Variants in CTU2 observed in about 807,000 individuals in gnomAD.
CTU2 encodes the protein cytosolic thiouridylase subunit 2.
A neutral mutation model predicts 64.1 loss-of-function variants in CTU2; 80 were observed. The ratio of observed to expected loss-of-function variants is 1.25; its 90% CI spans 1.04 to 1.50. CTU2 has a LOEUF of 1.50. CTU2 is among the 40% of genes most tolerant of loss of function. The pLI is 0.00. For synonymous variants in CTU2, 482 were observed against 285.3 expected, an observed-to-expected ratio of 1.69 and a Z score of -6.95; for missense variants, 1,110 against 690.2, an observed-to-expected ratio of 1.61 and a Z score of -6.81.
At position 88,715,184 on chromosome 16, in the gene CTU2, C is replaced by G. The variant is rs373113759; in HGVS notation, c.1481C>G (p.Ala494Gly). The change falls in exon 15 of 15, where the codon GCC becomes GGC. Residue 494 changes from alanine to glycine, a missense_variant and splice_region_variant. Physicochemically the swap from Ala to Gly is moderately conservative, Grantham distance 60. Transcript: ENST00000453996. ...GCCCACTGCAGCTTTCTCTCTAGGG[C>G]CTGGGGCTTGCAGGAGATCCGGGAC... Reference protein sequence around the residue: ...LAEAQLRTQRAWGLQEIRDCL... With the variant: ...LAEAQLRTQRGWGLQEIRDCL... 1.2e-6 allele frequency: 2 copies of G among 1,612,252 alleles called. No homozygotes were observed. The highest frequency in any genetic ancestry group is 1.7e-6 in the Non-Finnish European group (2 of 1,179,754).
rs1911908319 is a variant in CTU2 at position 88,715,378 on chromosome 16, A to T, written c.*127A>T. ...GTATAAATAAAACATTTTTTAATTAAAAAAAAAACTCTACAGTACACGTGG... is the reference window on the plus strand; with the variant it reads ...GTATAAATAAAACATTTTTTAATTATAAAAAAAACTCTACAGTACACGTGG... On this transcript the variant is annotated 3_prime_UTR_variant, in exon 15 of 15. Coordinates refer to ENST00000453996, the MANE Select transcript of CTU2 (RefSeq NM_001012759.3). The T allele has an allele frequency of 6.9e-6, 8 of 1,155,690 alleles. No individual in the cohort carries two copies. Among genetic ancestry groups the T allele is most frequent in the African/African-American group, 3.1e-5 (2 of 64,146 alleles). 71.6% of individuals were successfully genotyped at this position (1,155,690 alleles called of 1,614,324 possible).
At position 88,714,166 on chromosome 16, in the gene CTU2, A is replaced by C. The variant is rs1479697824; in HGVS notation, c.1036A>C (p.Met346Leu). 6.2e-7 allele frequency: 1 copy of C among 1,612,578 alleles called. No homozygotes were observed. The highest frequency in any genetic ancestry group is 1.3e-5 in the African/African-American group (1 of 74,886). Reference sequence around the variant, plus strand: ...TGAAAAGGCCAGCATCCACCGGCTGATGGAGGCCTTCATCCTCAGGCTGCA... The same window carrying C: ...TGAAAAGGCCAGCATCCACCGGCTGCTGGAGGCCTTCATCCTCAGGCTGCA... ...APEKASIHRL[M>L]EAFILRLQTQ... Residue 346 changes from methionine (M) to leucine (L), a missense_variant, in exon 10 of 15, where the codon ATG becomes CTG. Transcript: ENST00000453996.
rs780574958 is a variant in CTU2, at chr16:88,714,229, TGTGGGTGTGTGTGGGTGTGTGCGGGGG to T, written c.1097+6_1097+32del. 1,802 of 96,858 alleles carry T rather than the reference TGTGGGTGTGTGTGGGTGTGTGCGGGGG, an allele frequency of 0.019. 16 individuals are homozygous for T. The highest frequency in any genetic ancestry group is 0.16 in the African/African-American group (1,627 of 10,078). The allele number at this position is 96,858 out of a possible 1,614,324, so 6.0% of individuals were successfully genotyped here. ...CTCCACTGTCAGCACTGTGTACAGGTGTGGGTGTGTGTGGGTGTGTGCGGGGGGTGCGCGGGTGTGTGCTGTGCGCGG... is the reference window on the plus strand; with the variant it reads ...CTCCACTGTCAGCACTGTGTACAGGTGTGCGCGGGTGTGTGCTGTGCGCGG... On this transcript the variant is annotated splice_donor_5th_base_variant and intron_variant, in intron 10 of 14. Transcript: ENST00000453996.
At position 88,714,648 on chromosome 16, in the gene CTU2, C is replaced by A; in HGVS notation, c.1263C>A (p.Ile421=). ...GTCTCTCCCAGATGCAGTCACCCAT[C>A]CCCCTGACTGAGACCCGGACACCCC... ...SSRLSQMQSP[I]PLTETRTPPG... The change falls in exon 12 of 15, where the codon ATC becomes ATA. Residue 421 remains isoleucine (I), a synonymous_variant. Coordinates refer to ENST00000453996, the MANE Select transcript of CTU2 (RefSeq NM_001012759.3). 8 of 1,612,504 alleles carry A rather than the reference C, an allele frequency of 5.0e-6. No individual in the cohort carries two copies. Among genetic ancestry groups the A allele is most frequent in the Non-Finnish European group, 6.8e-6 (8 of 1,179,808 alleles).
At chr16:88,706,953 C>A in intron 1 of CTU2, 183 bp from the exon 2 acceptor site, 1 of 610,698 alleles carries the variant, frequency 1.6e-6, no homozygotes, top group Non-Finnish European at 2.9e-6. Flanking sequence ...GCTAAACATC[C>A]CCCCAGAGCC....
intron 12 of CTU2, 25 bp downstream of exon 12, chr16:88,714,762 T>G: frequency 6.2e-7 from 1 of 1,605,582 alleles, no homozygotes; most frequent in Admixed American, 1.7e-5. Context: ...CTGCCACCCA[T>G]GGCCAGCTGC....
chr16:88,714,249 T>C (rs1911665519), intron 10 of CTU2, 22 bp downstream of exon 10: 2 of 1,601,724 alleles, frequency 1.2e-6, no homozygotes, highest in African/African-American at 1.4e-5. Context: ...TGTGGGTGTG[T>C]GCGGGGGGTG....
In CTU2 at chr16:88,707,255, T is replaced by C. The variant is rs745956497; in HGVS notation, c.143+45T>C. On this transcript the variant is annotated intron_variant, in intron 2 of 14. Transcript: ENST00000453996. ...GAGACCCTGGCAAACATGGCCTCGC[T>C]AGCAGACAGGATAGCCGCAACTTGT... 19 of 1,561,534 alleles carry C rather than the reference T, an allele frequency of 1.2e-5. No individual in the cohort carries two copies. The African/African-American group carries it at 2.2e-4, about 18-fold the overall frequency.
intron 5 of CTU2, 163 bp from the exon 6 acceptor site, chr16:88,712,110 GA>G (rs1911371154): frequency 2.7e-6 from 2 of 727,722 alleles, no homozygotes; most frequent in South Asian, 1.5e-5. Context: ...CCGCAAGAGA[GA>G]AACCCCTGCC....
chr16:88,713,422 G>A lies in CTU2; in HGVS notation c.848G>A (p.Arg283Gln), dbSNP rs750747068. 25 of 1,592,676 alleles carry A rather than the reference G, an allele frequency of 1.6e-5. No homozygotes were observed. The highest frequency in any genetic ancestry group is 1.7e-4 in the Middle Eastern group (1 of 6,000). The change falls in exon 8 of 15, where the codon CGA becomes CAA. Residue 283 changes from arginine (R) to glutamine (Q), a missense_variant. Transcript: ENST00000453996. ...CTCATGACCAACCTGGCGCTGGGTC[G>A]AGGGGCCTTCCTGGCCTGGGATACG... Reference protein sequence around the residue: ...IKLMTNLALGRGAFLAWDTGF... With the variant: ...IKLMTNLALGQGAFLAWDTGF...
rs1451123335 is a variant in CTU2 at position 88,715,182 on chromosome 16, G to A, written c.1479G>A (p.Arg493=). The A allele has an allele frequency of 1.2e-6, 2 of 1,612,288 alleles. No individual in the cohort carries two copies. Among genetic ancestry groups the A allele is most frequent in the Non-Finnish European group, 1.7e-6 (2 of 1,179,778 alleles). ...ILAEAQLRTQ[R]AWGLQEIRDC... is the part of the protein sequence containing the mutation. ...GTGCCCACTGCAGCTTTCTCTCTAG[G>A]GCCTGGGGCTTGCAGGAGATCCGGG... is the stretch of plus-strand genomic sequence containing the variant. The change falls in exon 15 of 15, where the codon AGG becomes AGA. Residue 493 remains arginine (R), a splice_region_variant and synonymous_variant. Coordinates refer to ENST00000453996, the MANE Select transcript of CTU2 (RefSeq NM_001012759.3).
At chr16:88,714,345 C>T (rs538934008) in intron 10 of CTU2, 38 bp from the exon 11 acceptor site, 44 of 1,608,284 alleles carry the variant, frequency 2.7e-5, no homozygotes, top group East Asian at 2.7e-4. Flanking sequence ...AGCCCCAGCC[C>T]GTGTGATTCA....
rs762481891 is a variant in CTU2 at position 88,711,636 on chromosome 16, G to A, written c.284G>A (p.Gly95Asp). 45 of 1,604,442 alleles carry A rather than the reference G, an allele frequency of 2.8e-5. No homozygotes were observed. Among genetic ancestry groups the A allele is most frequent in the Non-Finnish European group, 3.6e-5 (42 of 1,173,764 alleles). The change falls in exon 5 of 15, where the codon GGC becomes GAC. Residue 95 changes from glycine (G) to aspartate (D), a missense_variant and splice_region_variant. Gly to Asp is a moderately conservative substitution (Grantham distance 94). Coordinates refer to ENST00000453996, the MANE Select transcript of CTU2 (RefSeq NM_001012759.3). ...AGTCCCTGCTGCTTCTCCCTCTAGG[G>A]CCTGAGCCAAGATTCTGCCAAAAGA... is the stretch of plus-strand genomic sequence containing the variant. ...SSSMVWQVLE[G>D]LSQDSAKRLR...
In CTU2 at chr16:88,714,865, AC is replaced by A; in HGVS notation, c.1363del (p.Gln455LysfsTer14). 1 of 1,612,550 alleles carries A rather than the reference AC, an allele frequency of 6.2e-7. No individual in the cohort carries two copies. Among genetic ancestry groups the A allele is most frequent in the Non-Finnish European group, 8.5e-7 (1 of 1,179,870 alleles). On this transcript the variant is annotated frameshift_variant, in exon 13 of 15. Coordinates refer to ENST00000453996, the MANE Select transcript of CTU2 (RefSeq NM_001012759.3). LOFTEE classifies it high-confidence loss of function. The stretch of plus-strand genomic sequence containing the variant: ...AGCCAGCTCTGCTCCCGCAGGGAGG[AC>A]CCCCAAGCCTGCATTGAGGAGCAGC... ...RCGQGACRREDPQACIEEQLC... is the reference protein window; with the variant it reads ...RCGQGACRREXPQACIEEQLC...
At chr16:88,707,834 C>T (rs1488234832) in intron 2 of CTU2, among the ~76,000 whole-genome samples, 1 of 151,588 alleles carries the variant, frequency 6.6e-6, no homozygotes, top group Admixed American at 6.6e-5. Flanking sequence ...ATGGAGTCTC[C>T]CTCTGTCACC....
intron 11 of CTU2, 21 bp downstream of exon 11, chr16:88,714,507 G>C: frequency 1.9e-6 from 3 of 1,612,572 alleles, no homozygotes; most frequent in Non-Finnish European, 2.5e-6. Context: ...CATGCTCTTG[G>C]GGTGATGCGG....
At position 88,710,505 on chromosome 16, in the gene CTU2, G is replaced by C. The variant is rs1269995818; in HGVS notation, c.282+223G>C. 5 of 561,756 alleles carry C rather than the reference G, an allele frequency of 8.9e-6. No individual in the cohort carries two copies. In the South Asian group the frequency reaches 9.1e-5, roughly 10 times the overall value. The allele number at this position is 561,756 out of a possible 1,614,324, so 34.8% of individuals were successfully genotyped here. A position where few individuals can be genotyped will look rare whatever the true frequency, so the allele number is the denominator to read the frequency against. On this transcript the variant is annotated intron_variant, in intron 4 of 14. Transcript: ENST00000453996. ...CCCACTCTCAGATGTGTTTACAGCA[G>C]GTGCACAAATCAGAAGCTGGGTCCA...
intron 2 of CTU2, among the ~76,000 whole-genome samples, chr16:88,707,835 C>T (rs1223114032): frequency 6.6e-6 from 1 of 151,808 alleles, no homozygotes; most frequent in African/African-American, 2.4e-5. Context: ...TGGAGTCTCC[C>T]TCTGTCACCC....
intron 5 of CTU2, chr16:88,711,945 G>T: frequency 1.7e-6 from 1 of 604,572 alleles, no homozygotes; most frequent in African/African-American, 1.8e-5. Context: ...GGGGGTGGGA[G>T]CAGGAGTGGC....
Sources: allele counts gnomAD v4.1 joint callset (sites outside exome capture counted in the v4.1 genomes callset), GRCh38; gene constraint gnomAD v4.1.1; transcripts MANE v1.5; gene names NCBI Gene and HGNC (gene_info 2026-07-23, HGNC 2026-07-21).